Variants in PTPRD observed in about 807,000 individuals in gnomAD.
PTPRD encodes protein tyrosine phosphatase receptor type D, also known as receptor-type tyrosine-protein phosphatase delta.
A neutral mutation model predicts 214.5 loss-of-function variants in PTPRD; 34 were observed. The ratio of observed to expected loss-of-function variants is 0.16; its 90% CI spans 0.12 to 0.21. PTPRD has a LOEUF of 0.21. Ranked by LOEUF, PTPRD falls within the 10% of genes least tolerant of loss-of-function variation. The pLI, the probability that PTPRD is intolerant of heterozygous loss-of-function variation, is 1.00. For synonymous variants in PTPRD, 1,128 were observed against 845.7 expected (o/e 1.33, Z -5.79); for missense variants, 2,545 against 2,398.7 (o/e 1.06, Z -1.27).
chr9:9,882,972 G>A (rs2069324684), intron 5 of PTPRD, among the ~76,000 whole-genome samples: 1 of 152,056 alleles, frequency 6.6e-6, no homozygotes, highest in East Asian at 1.9e-4. Flanking sequence ...GCCATGTGAT[G>A]GTCTGGCTAT....
intron 5 of PTPRD, chr9:9,803,774 A>G: frequency 6.6e-6 from 1 of 151,990 alleles, no homozygotes; most frequent in African/African-American, 2.4e-5. Context: ...GTAAAAACAT[A>G]ACAAATCAAA....
chr9:10,580,564 T>TAGA lies in PTPRD; in HGVS notation c.-600+31831_-600+31833dup, dbSNP rs1375358892. On this transcript the variant is annotated intron_variant, in intron 2 of 45. Transcript: ENST00000381196. Reference sequence around the variant, plus strand: ...TTTTATTATAAGATATGGGATTGAGTAGAAATGCTGTCTGGAATTTGGCAG... The same window carrying TAGA: ...TTTTATTATAAGATATGGGATTGAGTAGAAGAAATGCTGTCTGGAATTTGGCAG... 3.9e-4 allele frequency among the ~76,000 whole-genome samples: 59 copies of TAGA among 152,312 alleles called. 1 individual carries two copies. The highest frequency in any genetic ancestry group is 1.3e-3 in the African/African-American group (54 of 41,586).
chr9:10,431,388 G>A (rs1012714743), intron 2 of PTPRD, among the ~76,000 whole-genome samples: 2 of 152,024 alleles, frequency 1.3e-5, no homozygotes, highest in African/African-American at 4.8e-5. Flanking sequence ...AGGACTTCAT[G>A]TCTAAAACAC....
chr9:8,659,653 T>G (rs1404274332), intron 12 of PTPRD, among the ~76,000 whole-genome samples: 1 of 152,192 alleles, frequency 6.6e-6, no homozygotes, highest in Non-Finnish European at 1.5e-5. Flanking sequence ...GGTACAGAAG[T>G]AATTGATTGG....
In PTPRD at chr9:10,074,150, G is replaced by T. The variant is rs144271311; in HGVS notation, c.-544-40360C>A. Reference sequence around the variant, plus strand: ...TTCAAATGGCCTACTCAATTCTGCCGATGTTTACTGGATAGAATCATGGCA... The same window carrying T: ...TTCAAATGGCCTACTCAATTCTGCCTATGTTTACTGGATAGAATCATGGCA... On this transcript the variant is annotated intron_variant, in intron 3 of 45. Coordinates refer to ENST00000381196, the MANE Select transcript of PTPRD (RefSeq NM_002839.4). Among the ~76,000 whole-genome samples, 457 of 152,168 alleles carry T rather than the reference G, an allele frequency of 3.0e-3. 5 individuals carry two copies. Among genetic ancestry groups the T allele is most frequent in the African/African-American group, 9.0e-3 (374 of 41,562 alleles).
chr9:10,589,763 T>G (rs1200265956), intron 2 of PTPRD, among the ~76,000 whole-genome samples: 1 of 151,944 alleles, frequency 6.6e-6, no homozygotes, highest in Non-Finnish European at 1.5e-5. Flanking sequence ...AGAATCAGGA[T>G]AAGAGGAAAG....
intron 12 of PTPRD, among the ~76,000 whole-genome samples, chr9:8,705,881 A>C (rs374301428): frequency 6.6e-6 from 1 of 152,216 alleles, no homozygotes; most frequent in Non-Finnish European, 1.5e-5. Flanking sequence ...GTATTTTTCC[A>C]TGAGCAGAGT....
At chr9:8,766,338 T>A (rs1336680521) in intron 11 of PTPRD, among the ~76,000 whole-genome samples, 1 of 152,066 alleles carries the variant, frequency 6.6e-6, no homozygotes, top group African/African-American at 2.4e-5. Flanking sequence ...GTATCTAAAG[T>A]GTCCCAGTGT....
At chr9:9,146,820 T>G (rs925366571) in intron 10 of PTPRD, among the ~76,000 whole-genome samples, 12 of 152,138 alleles carry the variant, frequency 7.9e-5, no homozygotes, top group African/African-American at 2.9e-4. Flanking sequence ...GAAAGGTAAT[T>G]TAGGAAACAT....
At chr9:9,912,701 C>A (rs774883358) in intron 5 of PTPRD, among the ~76,000 whole-genome samples, 13 of 152,162 alleles carry the variant, frequency 8.5e-5, no homozygotes, top group Non-Finnish European at 1.5e-4. Flanking sequence ...ATTACAATTA[C>A]AACTGCACTA....
At chr9:8,589,083 T>G (rs1464809767) in intron 14 of PTPRD, among the ~76,000 whole-genome samples, 1 of 152,214 alleles carries the variant, frequency 6.6e-6, no homozygotes, top group Non-Finnish European at 1.5e-5. Flanking sequence ...TTGAGTGATA[T>G]ATAAGTATAT....
intron 2 of PTPRD, among the ~76,000 whole-genome samples, chr9:10,483,268 T>C (rs1257978695): frequency 6.6e-6 from 1 of 151,384 alleles, no homozygotes; most frequent in Non-Finnish European, 1.5e-5. Context: ...TTTCTCACCA[T>C]GTACAAAAAT....
chr9:8,691,073 CTAAGAA>C lies in PTPRD; in HGVS notation c.64+42701_64+42706del, dbSNP rs536934414. 2.8e-4 allele frequency among the ~76,000 whole-genome samples: 43 copies of C among 152,168 alleles called. No individual in the cohort carries two copies. The East Asian group carries it at 8.3e-3, about 29-fold the overall frequency. On this transcript the variant is annotated intron_variant, in intron 12 of 45. Transcript: ENST00000381196. ...TTCAGAATGGAAAACAATTTGTAAA[CTAAGAA>C]TGAGAAGAAAGGAGTTCAAAAAAAT...
chr9:9,013,047 A>AG (rs900513114), intron 11 of PTPRD, among the ~76,000 whole-genome samples: 5 of 152,238 alleles, frequency 3.3e-5, no homozygotes, highest in East Asian at 3.9e-4. Context: ...AAGACGTTAA[A>AG]GGGGGGGATG....
At chr9:9,403,290 C>CAAAAAA (rs56105335) in intron 8 of PTPRD, among the ~76,000 whole-genome samples, 3,799 of 58,814 alleles carry the variant, frequency 0.065, 340 homozygotes, top group Non-Finnish European at 0.078. Context: ...TACTCTGTCT[C>CAAAAAA]AAAAAAAAAA....
intron 5 of PTPRD, among the ~76,000 whole-genome samples, chr9:9,893,994 G>C (rs991723632): frequency 1.3e-5 from 2 of 151,960 alleles, no homozygotes; most frequent in African/African-American, 4.8e-5. Flanking sequence ...GTTGGTATTT[G>C]GTAGAGAAGG....
intron 5 of PTPRD, among the ~76,000 whole-genome samples, chr9:9,787,705 T>G (rs1256300041): frequency 2.0e-5 from 3 of 151,822 alleles, no homozygotes; most frequent in Admixed American, 2.0e-4. Flanking sequence ...TGAGAAAGAT[T>G]AAAGACACAA....
At chr9:10,083,508 C>T (rs2098276996) in intron 3 of PTPRD, among the ~76,000 whole-genome samples, 1 of 151,942 alleles carries the variant, frequency 6.6e-6, no homozygotes, top group Admixed American at 6.6e-5. Flanking sequence ...TTTTTATCAG[C>T]AAATTCATGT....
chr9:9,076,664 G>A (rs2099751682), intron 10 of PTPRD, among the ~76,000 whole-genome samples: 1 of 151,998 alleles, frequency 6.6e-6, no homozygotes, highest in African/African-American at 2.4e-5. Context: ...GTACTCCACT[G>A]TGTGAATGTA....
Sources: gnomAD v4.1 joint callset for allele counts (sites outside exome capture counted in the v4.1 genomes callset) on GRCh38, gnomAD v4.1.1 for gene constraint, MANE v1.5 for transcripts, NCBI Gene and HGNC (gene_info 2026-07-23, HGNC 2026-07-21) for gene names.